The following CAMK2A variants were observed in gnomAD, a reference collection of about 807,000 sequenced individuals.
CAMK2A encodes calcium/calmodulin dependent protein kinase II alpha.
A neutral mutation model predicts 79.2 loss-of-function variants in CAMK2A; 7 were observed. The ratio of observed to expected loss-of-function variants is 0.09; its 90% CI spans 0.05 to 0.17. The LOEUF (loss-of-function observed/expected upper bound fraction) is 0.17. Among genes scored for constraint, CAMK2A ranks in the 10% least tolerant of loss-of-function variants. The probability of loss-of-function intolerance (pLI) is 1.00; values close to 1 mark genes in which losing one functional copy is unlikely to be tolerated. For synonymous variants in CAMK2A, 242 were observed against 251.7 expected (o/e 0.96, Z 0.36); for missense variants, 214 against 646.4 (o/e 0.33, Z 7.25).
intron 1 of CAMK2A, among the ~76,000 whole-genome samples, chr5:150,282,091 T>C (rs1473453372): frequency 6.6e-6 from 1 of 152,142 alleles, no homozygotes; most frequent in Non-Finnish European, 1.5e-5. Flanking sequence ...TAGAAAATCC[T>C]AGGACCTGTT....
intron 1 of CAMK2A, among the ~76,000 whole-genome samples, chr5:150,274,184 G>A (rs1419418706): frequency 6.6e-6 from 1 of 152,192 alleles, no homozygotes; most frequent in African/African-American, 2.4e-5. Context: ...GTGAAGCTGA[G>A]CATCTTTTCA....
In CAMK2A at chr5:150,239,698, A is replaced by G; in HGVS notation, c.1017+6T>C. On this transcript the variant is annotated splice_donor_region_variant and intron_variant, in intron 14 of 18. Coordinates refer to ENST00000671881, the MANE Select transcript of CAMK2A (RefSeq NM_015981.4). ...TTACCGGCGTTAGGAGACGGCAGAC[A>G]CTCACCATTAACTGAACGCTGGAAC... is the stretch of plus-strand genomic sequence containing the variant. 1 of 1,613,810 alleles carries G rather than the reference A, an allele frequency of 6.2e-7. No homozygotes were observed. Among genetic ancestry groups the G allele is most frequent in the Non-Finnish European group, 8.5e-7 (1 of 1,179,732 alleles).
intron 16 of CAMK2A, among the ~76,000 whole-genome samples, chr5:150,229,004 C>A (rs1232393439): frequency 6.6e-6 from 1 of 152,204 alleles, no homozygotes; most frequent in Non-Finnish European, 1.5e-5. Context: ...AGGGAACAAG[C>A]TGTCTTTCCC....
At chr5:150,240,638 C>T (rs976308732) in intron 13 of CAMK2A, among the ~76,000 whole-genome samples, 13 of 152,254 alleles carry the variant, frequency 8.5e-5, no homozygotes, top group Non-Finnish European at 1.9e-4. Context: ...CTCCCATTCA[C>T]AGAAGATGGT....
intron 1 of CAMK2A, among the ~76,000 whole-genome samples, chr5:150,280,418 A>T (rs1757162011): frequency 6.6e-6 from 1 of 151,978 alleles, no homozygotes; most frequent in Non-Finnish European, 1.5e-5. Flanking sequence ...CTCTCTCCTC[A>T]AATAAAACAA....
Position 150,222,000 on chromosome 5 carries a change from G to C in CAMK2A, c.*710C>G, listed in dbSNP as rs996530476. 1.0e-5 allele frequency: 2 copies of C among 190,784 alleles called. No individual in the cohort carries two copies. The highest frequency in any genetic ancestry group is 2.3e-5 in the African/African-American group (1 of 43,248). The allele number at this position is 190,784 out of a possible 1,614,324, so 11.8% of individuals were successfully genotyped here. Reference sequence around the variant, plus strand: ...CAATTAGATTCCCTCTCTGAGATACGACAAAGCTGGAATTCTCCAGGGATG... The same window carrying C: ...CAATTAGATTCCCTCTCTGAGATACCACAAAGCTGGAATTCTCCAGGGATG... On this transcript the variant is annotated 3_prime_UTR_variant, in exon 19 of 19. Coordinates refer to ENST00000671881, the MANE Select transcript of CAMK2A (RefSeq NM_015981.4).
intron 2 of CAMK2A, among the ~76,000 whole-genome samples, chr5:150,267,874 CTTTT>C (rs796333078): frequency 2.2e-5 from 3 of 133,374 alleles, no homozygotes; most frequent in Admixed American, 7.5e-5. Flanking sequence ...AGCCAAGGAG[CTTTT>C]TTTTTTTTTT....
At chr5:150,267,146 C>T (rs565864965) in intron 2 of CAMK2A, among the ~76,000 whole-genome samples, 1 of 152,340 alleles carries the variant, frequency 6.6e-6, no homozygotes, top group South Asian at 2.1e-4. Context: ...CCGTGGGCTC[C>T]TTTCATATCC....
At chr5:150,245,603 C>G (rs950224965) in intron 12 of CAMK2A, among the ~76,000 whole-genome samples, 5 of 152,204 alleles carry the variant, frequency 3.3e-5, no homozygotes, top group Non-Finnish European at 5.9e-5. Flanking sequence ...CCACCCTGGC[C>G]CTCTCTAATT....
Position 150,223,694 on chromosome 5 carries a change from G to T in CAMK2A, c.1238-477C>A, listed in dbSNP as rs1034244238. On this transcript the variant is annotated intron_variant, in intron 17 of 18. Transcript: ENST00000671881. The surrounding 1 kb of genome is among the most constrained non-coding windows in gnomAD (Gnocchi z 4.1). Reference sequence around the variant, plus strand: ...GGGACTGTGGCGAATAGAATGTCTTGTCCCACCTAAAGAGGGCATCCTGCA... The same window carrying T: ...GGGACTGTGGCGAATAGAATGTCTTTTCCCACCTAAAGAGGGCATCCTGCA... Among the ~76,000 whole-genome samples the T allele has an allele frequency of 1.3e-5, 2 of 152,210 alleles. No homozygotes were observed. The highest frequency in any genetic ancestry group is 4.8e-5 in the African/African-American group (2 of 41,448).
chr5:150,244,595 G>T (rs183132760), intron 13 of CAMK2A, among the ~76,000 whole-genome samples: 36 of 152,332 alleles, frequency 2.4e-4, no homozygotes, highest in Admixed American at 3.9e-4. Context: ...GGCTCTAGGG[G>T]TGGGACAGGG....
intron 18 of CAMK2A, 77 bp from the exon 19 acceptor site, chr5:150,222,790 A>G (rs1284396951): frequency 1.3e-6 from 2 of 1,573,790 alleles, no homozygotes; most frequent in Non-Finnish European, 1.7e-6. Context: ...GCCGCTTTAG[A>G]TGGAGTCCAT....
intron 13 of CAMK2A, 103 bp downstream of exon 13, chr5:150,245,058 C>A: frequency 1.7e-6 from 2 of 1,168,426 alleles, no homozygotes; most frequent in East Asian, 4.7e-5. Flanking sequence ...CTGCCCAGGA[C>A]ACCATCAGCA....
intron 1 of CAMK2A, among the ~76,000 whole-genome samples, chr5:150,279,497 C>T (rs1269221339): frequency 6.6e-6 from 1 of 152,190 alleles, no homozygotes; most frequent in Non-Finnish European, 1.5e-5. Flanking sequence ...ATGAGTTTGG[C>T]AGAGTCCCTG....
Position 150,219,923 on chromosome 5 carries a change from CAG to C in CAMK2A, c.*2785_*2786del, listed in dbSNP as rs1754223724. The C allele has an allele frequency of 6.6e-6, 1 of 152,336 alleles. No homozygotes were observed. Among genetic ancestry groups the C allele is most frequent in the Non-Finnish European group, 1.5e-5 (1 of 68,004 alleles). 9.4% of individuals were successfully genotyped at this position (152,336 alleles called of 1,614,324 possible). On this transcript the variant is annotated 3_prime_UTR_variant, in exon 19 of 19. Transcript: ENST00000671881. ...ATCTAAAGGATGTTTTGGAGGAGCA[CAG>C]AGTTTGTCTGGTGAGGGTAGGCTCT...
At position 150,223,700 on chromosome 5, in the gene CAMK2A, C is replaced by T. The variant is rs978434260; in HGVS notation, c.1238-483G>A. 1.3e-5 allele frequency among the ~76,000 whole-genome samples: 2 copies of T among 152,254 alleles called. No individual in the cohort carries two copies. The highest frequency in any genetic ancestry group is 2.4e-5 in the African/African-American group (1 of 41,534). On this transcript the variant is annotated intron_variant, in intron 17 of 18. Transcript: ENST00000671881. This position sits in a 1 kb window ranked among gnomAD's most constrained non-coding sequence, Gnocchi z 4.1. ...GTGGCGAATAGAATGTCTTGTCCCA[C>T]CTAAAGAGGGCATCCTGCACACAGC... is the stretch of plus-strand genomic sequence containing the variant.
At chr5:150,252,900 T>C (rs1050572315) in intron 7 of CAMK2A, among the ~76,000 whole-genome samples, 8 of 152,360 alleles carry the variant, frequency 5.3e-5, no homozygotes, top group Admixed American at 1.3e-4. Flanking sequence ...CCCAGAACTC[T>C]GGTTCTTAAC....
At chr5:150,270,811 G>C (rs1034072318) in intron 2 of CAMK2A, among the ~76,000 whole-genome samples, 2 of 152,090 alleles carry the variant, frequency 1.3e-5, no homozygotes, top group African/African-American at 4.8e-5. Context: ...GAGGCGGTTT[G>C]GACAGTGACT....
chr5:150,255,225 G>C (rs1756003841), intron 6 of CAMK2A, among the ~76,000 whole-genome samples: 1 of 152,354 alleles, frequency 6.6e-6, no homozygotes, highest in Non-Finnish European at 1.5e-5. Flanking sequence ...GGCCCTCTGG[G>C]AGAGGTGCCC....
Sources: gnomAD v4.1 joint callset for allele counts (sites outside exome capture counted in the v4.1 genomes callset) on GRCh38, gnomAD v4.1.1 for gene constraint, Gnocchi (gnomAD v3.1) non-coding constraint, MANE v1.5 for transcripts, NCBI Gene and HGNC (gene_info 2026-07-23, HGNC 2026-07-21) for gene names.